The following PELI2 variants were observed in gnomAD, a reference collection of about 807,000 sequenced individuals.
The protein encoded by PELI2 is pellino E3 ubiquitin protein ligase family member 2.
PELI2 carries 23 observed loss-of-function variants against 42.3 expected under a neutral mutation model. The ratio of observed to expected loss-of-function variants is 0.54; its 90% CI spans 0.39 to 0.77. The LOEUF (loss-of-function observed/expected upper bound fraction) is 0.77. Ranked by LOEUF, PELI2 falls within the 30% of genes least tolerant of loss-of-function variation. The probability of loss-of-function intolerance (pLI) is 0.00; values close to 1 mark genes in which losing one functional copy is unlikely to be tolerated. For missense variants in PELI2, 463 were observed against 553.2 expected (o/e 0.84, Z 1.64); for synonymous variants, 245 against 212.2 (o/e 1.15, Z -1.34).
chr14:56,204,707 G>C (rs574479338), intron 2 of PELI2, among the ~76,000 whole-genome samples: 10 of 152,140 alleles, frequency 6.6e-5, no homozygotes, highest in African/African-American at 2.4e-4. Context: ...TTAAGAAGAG[G>C]GCCTGGAAAA....
intron 2 of PELI2, among the ~76,000 whole-genome samples, chr14:56,224,232 C>T (rs1358994238): frequency 1.3e-5 from 2 of 152,188 alleles, no homozygotes; most frequent in Non-Finnish European, 2.9e-5. Flanking sequence ...TATAGGAATA[C>T]TTGCTTCCAT....
In PELI2 at chr14:56,262,461, CAGAGT is replaced by C. The variant is rs139874045; in HGVS notation, c.208-17213_208-17209del. ...ATCAACCACAGATTTTTTTTCATAT[CAGAGT>C]ATTTTCCTTGAGATGTTTCTCACAA... On this transcript the variant is annotated intron_variant, in intron 2 of 5. Coordinates refer to ENST00000267460, the MANE Select transcript of PELI2 (RefSeq NM_021255.3). 5.7e-4 allele frequency among the ~76,000 whole-genome samples: 86 copies of C among 152,032 alleles called. 1 individual carries two copies. The East Asian group carries it at 0.016, about 28-fold the overall frequency.
intron 2 of PELI2, among the ~76,000 whole-genome samples, chr14:56,204,689 T>C (rs1202807827): frequency 6.6e-6 from 1 of 151,898 alleles, no homozygotes; most frequent in Non-Finnish European, 1.5e-5. Flanking sequence ...GAAAGGACTT[T>C]TAAACTGTTA....
chr14:56,120,523 A>G (rs546537328), intron 1 of PELI2, among the ~76,000 whole-genome samples: 1 of 152,310 alleles, frequency 6.6e-6, no homozygotes, highest in Admixed American at 6.5e-5. Context: ...TTGCAGTTGC[A>G]TATGGTCTGC....
At chr14:56,204,369 T>C (rs1424163537) in intron 2 of PELI2, among the ~76,000 whole-genome samples, 2 of 152,084 alleles carry the variant, frequency 1.3e-5, no homozygotes, top group Non-Finnish European at 2.9e-5. Flanking sequence ...GATCAGTCCT[T>C]AGGTTGTCTT....
chr14:56,240,864 C>T (rs1887949667), intron 2 of PELI2, among the ~76,000 whole-genome samples: 1 of 124,690 alleles, frequency 8.0e-6, no homozygotes, highest in South Asian at 2.9e-4. Flanking sequence ...GACCCAGTTG[C>T]CTTCTCTGTA....
chr14:56,295,792 G>A (rs1291234769), intron 5 of PELI2, among the ~76,000 whole-genome samples: 2 of 152,176 alleles, frequency 1.3e-5, no homozygotes, highest in Non-Finnish European at 2.9e-5. Flanking sequence ...CTATAAATTT[G>A]TGGCCTTGAA....
chr14:56,211,108 T>C (rs3783665), intron 2 of PELI2, among the ~76,000 whole-genome samples: 61,218 of 151,924 alleles, frequency 0.4, 13,042 homozygotes, highest in South Asian at 0.53. Flanking sequence ...TGCTACGCTG[T>C]CAACTGAGAA....
Position 56,301,137 on chromosome 14 carries a change from A to G in PELI2, c.*3971A>G, listed in dbSNP as rs1890158828. ...AGTTAAGGGGATGGTCACATTTACC[A>G]TGTATTGTGTTATTAGCAGTTAAAT... On this transcript the variant is annotated 3_prime_UTR_variant, in exon 6 of 6. Coordinates refer to ENST00000267460, the MANE Select transcript of PELI2 (RefSeq NM_021255.3). The G allele has an allele frequency of 6.6e-6, 1 of 152,634 alleles. No homozygotes were observed. Among genetic ancestry groups the G allele is most frequent in the South Asian group, 2.1e-4 (1 of 4,830 alleles). 9.5% of individuals were successfully genotyped at this position (152,634 alleles called of 1,614,324 possible).
At chr14:56,190,046 A>T (rs956391504) in intron 2 of PELI2, among the ~76,000 whole-genome samples, 25 of 152,216 alleles carry the variant, frequency 1.6e-4, no homozygotes, top group Non-Finnish European at 2.9e-4. Flanking sequence ...TGCATTTTGA[A>T]CAAAGAGTTG....
chr14:56,234,402 C>T (rs1420433551), intron 2 of PELI2, among the ~76,000 whole-genome samples: 2 of 152,134 alleles, frequency 1.3e-5, no homozygotes, highest in Non-Finnish European at 2.9e-5. Context: ...ACATATACAC[C>T]ATGGAATACT....
At chr14:56,215,787 T>C (rs987839450) in intron 2 of PELI2, among the ~76,000 whole-genome samples, 1 of 152,248 alleles carries the variant, frequency 6.6e-6, no homozygotes, top group African/African-American at 2.4e-5. Context: ...TCAGGTCTTG[T>C]CACTGTCACC....
At chr14:56,237,719 T>TGTTCATAGTTAGACATACTATTCC (rs1158062602) in intron 2 of PELI2, among the ~76,000 whole-genome samples, 1 of 150,782 alleles carries the variant, frequency 6.6e-6, no homozygotes, top group Non-Finnish European at 1.5e-5. Context: ...AAACACTGCA[T>TGTTCATAGTTAGACATACTATTCC]GTTCATAGTT....
At chr14:56,163,482 A>G (rs1422589809) in intron 1 of PELI2, among the ~76,000 whole-genome samples, 1 of 152,076 alleles carries the variant, frequency 6.6e-6, no homozygotes, top group Non-Finnish European at 1.5e-5. Context: ...GTACCTCTGT[A>G]GTGTAATTTT....
intron 5 of PELI2, among the ~76,000 whole-genome samples, chr14:56,294,803 C>A (rs1213549176): frequency 6.6e-6 from 1 of 152,176 alleles, no homozygotes; most frequent in Non-Finnish European, 1.5e-5. Context: ...TCAGCACACC[C>A]AAAACTGAAC....
At chr14:56,271,093 G>A (rs982035105) in intron 2 of PELI2, among the ~76,000 whole-genome samples, 7 of 152,078 alleles carry the variant, frequency 4.6e-5, no homozygotes, top group Non-Finnish European at 1.0e-4. Context: ...CATGCCTCAC[G>A]GGATAATTAG....
At chr14:56,255,299 T>A (rs1277026424) in intron 2 of PELI2, among the ~76,000 whole-genome samples, 1 of 152,212 alleles carries the variant, frequency 6.6e-6, no homozygotes, top group East Asian at 1.9e-4. Context: ...TAGAATACTA[T>A]GCAGCCATAG....
At chr14:56,276,376 C>G (rs1202110922) in intron 2 of PELI2, among the ~76,000 whole-genome samples, 2 of 152,130 alleles carry the variant, frequency 1.3e-5, no homozygotes, top group African/African-American at 4.8e-5. Context: ...TTACTGCCAC[C>G]AAATCCCAGT....
intron 2 of PELI2, among the ~76,000 whole-genome samples, chr14:56,226,680 T>G (rs1887368093): frequency 6.6e-6 from 1 of 152,230 alleles, no homozygotes; most frequent in Non-Finnish European, 1.5e-5. Context: ...TGTGAGCTGT[T>G]GGAAACTTTT....
Sources: allele counts gnomAD v4.1 joint callset (sites outside exome capture counted in the v4.1 genomes callset), GRCh38; gene constraint gnomAD v4.1.1; transcripts MANE v1.5; gene names NCBI Gene and HGNC (gene_info 2026-07-23, HGNC 2026-07-21).